Variants in DLG2 observed in about 807,000 individuals in gnomAD.
DLG2 encodes the protein discs large MAGUK scaffold protein 2, also known as disks large homolog 2.
A neutral mutation model predicts 132.5 loss-of-function variants in DLG2; 45 were observed. The ratio of observed to expected loss-of-function variants is 0.34; its 90% CI spans 0.27 to 0.44. DLG2 has a LOEUF of 0.44. DLG2 is among the 20% of genes least tolerant of loss of function. DLG2 has a pLI of 1.00. For missense variants in DLG2, 1,045 were observed against 1,196.9 expected, an observed-to-expected ratio of 0.87 and a Z score of 1.87; for synonymous variants, 424 against 419.6, an observed-to-expected ratio of 1.01 and a Z score of -0.13.
rs1301303739 is a variant in DLG2, at chr11:84,090,314, T to C, written c.749+8609A>G. 3.4e-5 allele frequency among the ~76,000 whole-genome samples: 5 copies of C among 147,634 alleles called. 1 individual carries two copies. The highest frequency in any genetic ancestry group is 2.1e-4 in the Admixed American group (3 of 14,352). On this transcript the variant is annotated intron_variant, in intron 10 of 27. Transcript: ENST00000376104. ...CTGTAATCCCAGCTACTCACGAGGCTGAGGCAGGAGAATCGCTTGAACCCA... is the reference window on the plus strand; with the variant it reads ...CTGTAATCCCAGCTACTCACGAGGCCGAGGCAGGAGAATCGCTTGAACCCA...
chr11:84,443,439 T>C (rs978900345), intron 7 of DLG2, among the ~76,000 whole-genome samples: 10 of 152,190 alleles, frequency 6.6e-5, no homozygotes, highest in Non-Finnish European at 7.4e-5. Flanking sequence ...AAAATGTAAT[T>C]GGTGGATCAC....
At chr11:85,054,679 T>C (rs1437348567) in intron 6 of DLG2, among the ~76,000 whole-genome samples, 1 of 152,022 alleles carries the variant, frequency 6.6e-6, no homozygotes, top group Non-Finnish European at 1.5e-5. Context: ...ATACTACACA[T>C]CCACAGAAAA....
At chr11:84,670,031 G>A (rs2099704049) in intron 6 of DLG2, among the ~76,000 whole-genome samples, 1 of 152,158 alleles carries the variant, frequency 6.6e-6, no homozygotes, top group Admixed American at 6.6e-5. Flanking sequence ...TGGAGAATAA[G>A]GCGAATGGGC....
intron 19 of DLG2, among the ~76,000 whole-genome samples, chr11:83,566,288 A>G (rs751080750): frequency 7.9e-5 from 12 of 152,156 alleles, no homozygotes; most frequent in Non-Finnish European, 1.8e-4. Context: ...TAGGTCAGCA[A>G]CTTTATGTTC....
At chr11:84,573,666 G>A (rs1240174926) in intron 6 of DLG2, among the ~76,000 whole-genome samples, 1 of 152,122 alleles carries the variant, frequency 6.6e-6, no homozygotes, top group African/African-American at 2.4e-5. Context: ...CATTCTCTTG[G>A]AATAGGAAAA....
chr11:84,006,580 C>A (rs2094584133), intron 11 of DLG2, among the ~76,000 whole-genome samples: 1 of 148,274 alleles, frequency 6.7e-6, no homozygotes, highest in East Asian at 2.0e-4. Flanking sequence ...GTGGTGGATG[C>A]CTCAAATACC....
intron 17 of DLG2, among the ~76,000 whole-genome samples, chr11:83,823,673 A>ATTCATTCG (rs149060710): frequency 0.036 from 5,348 of 150,312 alleles, 678 homozygotes; most frequent in African/African-American, 0.12. Context: ...TCATTCATTC[A>ATTCATTCG]TTCGTTCATT....
At chr11:85,272,870 T>C (rs1187727036) in intron 4 of DLG2, among the ~76,000 whole-genome samples, 1 of 152,094 alleles carries the variant, frequency 6.6e-6, no homozygotes, top group Non-Finnish European at 1.5e-5. Flanking sequence ...AAGGCTACAG[T>C]AACCAAAACA....
intron 4 of DLG2, among the ~76,000 whole-genome samples, chr11:85,223,883 G>C (rs931945218): frequency 6.6e-6 from 1 of 152,176 alleles, no homozygotes; most frequent in East Asian, 1.9e-4. Flanking sequence ...ACCAACTCAA[G>C]ATAAATCTCT....
At chr11:84,214,989 C>G (rs115336767) in intron 8 of DLG2, among the ~76,000 whole-genome samples, 20 of 152,244 alleles carry the variant, frequency 1.3e-4, no homozygotes, top group African/African-American at 4.6e-4. Flanking sequence ...ATGGCAGAAG[C>G]TATTAGTCAT....
At chr11:85,055,989 T>C (rs2063412962) in intron 6 of DLG2, among the ~76,000 whole-genome samples, 1 of 152,168 alleles carries the variant, frequency 6.6e-6, no homozygotes, top group Non-Finnish European at 1.5e-5. Context: ...TAGCTGCACT[T>C]AATTTCTTTT....
chr11:84,038,707 C>A (rs1406425559), intron 11 of DLG2, among the ~76,000 whole-genome samples: 2 of 151,930 alleles, frequency 1.3e-5, no homozygotes, highest in East Asian at 3.9e-4. Context: ...CTCACACTAC[C>A]AATAAAGATA....
At chr11:83,680,721 T>C (rs1029766011) in intron 18 of DLG2, among the ~76,000 whole-genome samples, 2 of 152,112 alleles carry the variant, frequency 1.3e-5, no homozygotes, top group Admixed American at 1.3e-4. Context: ...AAAAAAGTGT[T>C]CCTGAAAAAA....
intron 7 of DLG2, among the ~76,000 whole-genome samples, chr11:84,485,419 C>A (rs1428433914): frequency 6.6e-6 from 1 of 152,128 alleles, no homozygotes; most frequent in Non-Finnish European, 1.5e-5. Context: ...AAGCATTTGA[C>A]ACAAATTTAC....
At chr11:85,518,893 T>TTG (rs1331669547) in intron 3 of DLG2, among the ~76,000 whole-genome samples, 1 of 152,032 alleles carries the variant, frequency 6.6e-6, no homozygotes, top group East Asian at 1.9e-4. Flanking sequence ...ACAGCTCAGG[T>TTG]TGTTGCTTCA....
chr11:84,822,883 T>C (rs958719322), intron 6 of DLG2, among the ~76,000 whole-genome samples: 5 of 151,972 alleles, frequency 3.3e-5, no homozygotes, highest in African/African-American at 1.2e-4. Context: ...ATAAACTGTT[T>C]TGTACACTAC....
chr11:85,441,072 A>G (rs1398192378), intron 3 of DLG2, among the ~76,000 whole-genome samples: 1 of 152,198 alleles, frequency 6.6e-6, no homozygotes, highest in East Asian at 1.9e-4. Context: ...TTGTATTAAA[A>G]CAGGAACATC....
At chr11:84,840,143 G>T (rs1461328306) in intron 6 of DLG2, among the ~76,000 whole-genome samples, 1 of 151,986 alleles carries the variant, frequency 6.6e-6, no homozygotes, top group Non-Finnish European at 1.5e-5. Flanking sequence ...AAATTTACAA[G>T]AAAAAATCAA....
At chr11:83,499,680 G>T (rs549147687) in intron 21 of DLG2, among the ~76,000 whole-genome samples, 3 of 149,944 alleles carry the variant, frequency 2.0e-5, no homozygotes, top group African/African-American at 7.4e-5. Context: ...AAGTTCTTCT[G>T]TTTGGGACTC....
Sources: gnomAD v4.1 joint callset for allele counts (sites outside exome capture counted in the v4.1 genomes callset) on GRCh38, gnomAD v4.1.1 for gene constraint, MANE v1.5 for transcripts, NCBI Gene and HGNC (gene_info 2026-07-23, HGNC 2026-07-21) for gene names.